RLN3: variants seen among roughly 807,000 people sequenced by gnomAD.
RLN3 encodes relaxin-3.
Under a neutral mutation model 10.2 loss-of-function variants are expected in RLN3, and 13 were observed. The ratio of observed to expected loss-of-function variants is 1.28; its 90% CI spans 0.83 to 2.03. RLN3 has a LOEUF of 2.03. Ranked by LOEUF, RLN3 falls within the 30% of genes most tolerant of loss-of-function variation. RLN3 has a pLI of 0.00. For missense variants in RLN3, 191 were observed against 187.2 expected (o/e 1.02, Z -0.12); for synonymous variants, 56 against 79.2 (o/e 0.71, Z 1.56).
Position 14,028,399 on chromosome 19 carries a change from G to A in RLN3, c.190+5G>A, listed in dbSNP as rs528079327. The A allele has an allele frequency of 1.9e-6, 3 of 1,606,398 alleles. No homozygotes were observed. The South Asian group carries it at 3.3e-5, about 18-fold the overall frequency. On this transcript the variant is annotated splice_donor_5th_base_variant and intron_variant, in intron 1 of 1. Coordinates refer to ENST00000431365, the MANE Select transcript of RLN3 (RefSeq NM_080864.4). ...TCCTGGCCCACGAGGCTATGGGTGAGGCTGGGGAGAGAGTGGATGTAGAAG... is the reference window on the plus strand; with the variant it reads ...TCCTGGCCCACGAGGCTATGGGTGAAGCTGGGGAGAGAGTGGATGTAGAAG...
Position 14,028,217 on chromosome 19 carries a change from A to T in RLN3, c.13A>T (p.Met5Leu). 1 of 1,595,836 alleles carries T rather than the reference A, an allele frequency of 6.3e-7. No individual in the cohort carries two copies. Among genetic ancestry groups the T allele is most frequent in the Non-Finnish European group, 8.5e-7 (1 of 1,170,830 alleles). The change falls in exon 1 of 2, where the codon ATG (methionine) becomes TTG (leucine). Residue 5 changes from methionine to leucine, a missense_variant. Physicochemically the swap from Met to Leu is conservative, Grantham distance 15. Coordinates refer to ENST00000431365, the MANE Select transcript of RLN3 (RefSeq NM_080864.4). ...ATCTCCGTCCAGCATGGCCAGGTAC[A>T]TGCTGCTGCTGCTCCTGGCGGTATG... MARY[M>L]LLLLLAVWVL...
chr19:14,029,251 T>C (rs779762065), intron 1 of RLN3, among the ~76,000 whole-genome samples: 2 of 151,970 alleles, frequency 1.3e-5, no homozygotes, highest in Non-Finnish European at 2.9e-5. Flanking sequence ...TAGATATTCA[T>C]GATGGTGAGA....
chr19:14,028,948 A>AT (rs891367821), intron 1 of RLN3, among the ~76,000 whole-genome samples: 184 of 149,496 alleles, frequency 1.2e-3, no homozygotes, highest in African/African-American at 3.8e-3. Context: ...CTAGTTTTAA[A>AT]TTTTTTTTTT....
At position 14,030,768 on chromosome 19, in the gene RLN3, G is replaced by C. The variant is rs1364439457; in HGVS notation, c.249G>C (p.Glu83Asp). The change falls in exon 2 of 2, where the codon GAG becomes GAC. Residue 83 changes from glutamate to aspartate, a missense_variant. Coordinates refer to ENST00000431365, the MANE Select transcript of RLN3 (RefSeq NM_080864.4). ...ACAGTCTGGCAGGCGAGCTGGATGAGGCCATGGGGTCCAGCGAGTGGCTGG... is the reference window on the plus strand; with the variant it reads ...ACAGTCTGGCAGGCGAGCTGGATGACGCCATGGGGTCCAGCGAGTGGCTGG... ...DEDSLAGELD[E>D]AMGSSEWLAL... 2 of 1,614,224 alleles carry C rather than the reference G, an allele frequency of 1.2e-6. No individual in the cohort carries two copies. The highest frequency in any genetic ancestry group is 3.3e-5 in the Admixed American group (2 of 60,012).
chr19:14,030,184 G>T, intron 1 of RLN3: 13 of 600,390 alleles, frequency 2.2e-5, no homozygotes, highest in South Asian at 3.4e-5. Flanking sequence ...TTTTTTTAAT[G>T]AATATTAACT....
At position 14,030,484 on chromosome 19, in the gene RLN3, C is replaced by T. The variant is rs569031398; in HGVS notation, c.191-226C>T. On this transcript the variant is annotated intron_variant, in intron 1 of 1. Transcript: ENST00000431365. ...CGACCAGCCTGAACAACATGGTGAA[C>T]CCCATCTCTATAACAATACAAAAAT... 64 of 653,520 alleles carry T rather than the reference C, an allele frequency of 9.8e-5. 1 individual carries two copies. In the South Asian group the frequency reaches 1.0e-3, roughly 11 times the overall value. The allele number at this position is 653,520 out of a possible 1,614,324, so 40.5% of individuals were successfully genotyped here.
At chr19:14,030,661 G>A (rs1975786906) in intron 1 of RLN3, 49 bp from the exon 2 acceptor site, 3 of 1,478,954 alleles carry the variant, frequency 2.0e-6, no homozygotes, top group Admixed American at 1.7e-5. Flanking sequence ...ATGACTGTGG[G>A]TGCAGCAGCA....
At chr19:14,029,838 TTA>T (rs1975771123) in intron 1 of RLN3, among the ~76,000 whole-genome samples, 1 of 150,192 alleles carries the variant, frequency 6.7e-6, no homozygotes, top group Non-Finnish European at 1.5e-5. Flanking sequence ...ATTATTATTA[TTA>T]TTTTTGAGAC....
rs1316708494 is a variant in RLN3 at position 14,031,154 on chromosome 19, C to A, written c.*206C>A. On this transcript the variant is annotated 3_prime_UTR_variant, in exon 2 of 2. Transcript: ENST00000431365. ...TTGACCAGCCTATCATGACCCTGGC[C>A]CCTAAGGAAGCTGTGCCCCTGCCTG... 1 of 557,852 alleles carries A rather than the reference C, an allele frequency of 1.8e-6. No individual in the cohort carries two copies. Among genetic ancestry groups the A allele is most frequent in the Admixed American group, 3.4e-5 (1 of 29,612 alleles). 34.6% of individuals were successfully genotyped at this position (557,852 alleles called of 1,614,324 possible). A position where few individuals can be genotyped will look rare whatever the true frequency, so the allele number is the denominator to read the frequency against.
chr19:14,029,041 A>C (rs1975759140), intron 1 of RLN3, among the ~76,000 whole-genome samples: 1 of 151,940 alleles, frequency 6.6e-6, no homozygotes, highest in Non-Finnish European at 1.5e-5. Flanking sequence ...GGCCTCCCTA[A>C]GTGCTGAGAT....
At chr19:14,028,416 A>G in intron 1 of RLN3, 22 bp downstream of exon 1, 1 of 1,594,166 alleles carries the variant, frequency 6.3e-7, no homozygotes, top group Non-Finnish European at 8.6e-7. Flanking sequence ...GAGAGAGTGG[A>G]TGTAGAAGGG....
Position 14,030,850 on chromosome 19 carries a change from C to G in RLN3, c.331C>G (p.Pro111Ala), listed in dbSNP as rs202200397. Residue 111 changes from proline to alanine, a missense_variant, in exon 2 of 2, where the codon CCT becomes GCT. By Grantham distance (27) the Pro-to-Ala change is conservative. Transcript: ENST00000431365. Reference protein sequence around the residue: ...YRGRPSWQGTPGVLRGSRDVL... With the variant: ...YRGRPSWQGTAGVLRGSRDVL... ...GGGGCGACCCAGCTGGCAAGGAACC[C>G]CTGGGGTTCTTCGGGGCAGCCGAGA... is the stretch of plus-strand genomic sequence containing the variant. The G allele has an allele frequency of 4.3e-6, 7 of 1,612,976 alleles. No homozygotes were observed. In the Admixed American group the frequency reaches 5.0e-5, roughly 12 times the overall value.
Position 14,028,426 on chromosome 19 carries a change from G to A in RLN3, c.190+32G>A, listed in dbSNP as rs1325578209. On this transcript the variant is annotated intron_variant, in intron 1 of 1. Transcript: ENST00000431365. ...CTGGGGAGAGAGTGGATGTAGAAGG[G>A]GAACAGGTGGCTGGATGGGTCCCAG... 8 of 1,578,198 alleles carry A rather than the reference G, an allele frequency of 5.1e-6. No homozygotes were observed. In the South Asian group the frequency reaches 8.1e-5, roughly 16 times the overall value.
At chr19:14,029,806 A>AATTATTATTATT (rs58482695) in intron 1 of RLN3, among the ~76,000 whole-genome samples, 4,948 of 142,256 alleles carry the variant, frequency 0.035, 203 homozygotes, top group African/African-American at 0.099. Flanking sequence ...GTGATCAATA[A>AATTATTATTATT]ATTATTATTA....
At chr19:14,028,451 G>C (rs1975750160) in intron 1 of RLN3, 57 bp downstream of exon 1, 2 of 1,492,256 alleles carry the variant, frequency 1.3e-6, no homozygotes, top group Admixed American at 3.7e-5. Flanking sequence ...ATGGGTCCCA[G>C]GAGCTAAGGA....
Position 14,031,009 on chromosome 19 carries a change from C to G in RLN3, c.*61C>G, listed in dbSNP as rs1975797636. The G allele has an allele frequency of 1.0e-5, 12 of 1,162,678 alleles. No individual in the cohort carries two copies. Among genetic ancestry groups the G allele is most frequent in the East Asian group, 2.4e-5 (1 of 42,422 alleles). The allele number at this position is 1,162,678 out of a possible 1,614,324, so 72.0% of individuals were successfully genotyped here. ...TGCCCCAGTCCTGCCATCCACTCAA[C>G]TAGTGTCTGGCTGGGCACCTGTCTT... On this transcript the variant is annotated 3_prime_UTR_variant, in exon 2 of 2. Transcript: ENST00000431365.
At chr19:14,028,489 G>C in intron 1 of RLN3, 95 bp downstream of exon 1, 2 of 1,161,420 alleles carry the variant, frequency 1.7e-6, no homozygotes, top group Non-Finnish European at 1.2e-6. Flanking sequence ...TGCTGGAGGA[G>C]GAGGGTCCCT....
chr19:14,028,852 G>A (rs1433204655), intron 1 of RLN3, among the ~76,000 whole-genome samples: 1 of 151,956 alleles, frequency 6.6e-6, no homozygotes, highest in Non-Finnish European at 1.5e-5. Flanking sequence ...ACTGCTCATT[G>A]CAGCCTCGAC....
At chr19:14,029,578 T>C (rs978161259) in intron 1 of RLN3, among the ~76,000 whole-genome samples, 18 of 151,876 alleles carry the variant, frequency 1.2e-4, no homozygotes, top group Non-Finnish European at 1.0e-4. Flanking sequence ...CTCCAACTCC[T>C]GACCTCAGGT....
Sources: gnomAD v4.1 joint callset for allele counts (sites outside exome capture counted in the v4.1 genomes callset) on GRCh38, gnomAD v4.1.1 for gene constraint, MANE v1.5 for transcripts, NCBI Gene and HGNC (gene_info 2026-07-23, HGNC 2026-07-21) for gene names.